CSMD2: variants seen among roughly 807,000 people sequenced by gnomAD.
CSMD2 encodes CUB and sushi domain-containing protein 2.
A neutral mutation model predicts 398.5 loss-of-function variants in CSMD2; 130 were observed. The ratio of observed to expected loss-of-function variants is 0.33; its 90% CI spans 0.28 to 0.38. CSMD2 has a LOEUF of 0.38. Ranked by LOEUF, CSMD2 falls within the 10% of genes least tolerant of loss-of-function variation. The pLI is 1.00. For missense variants in CSMD2, 3,829 were observed against 4,764.9 expected (o/e 0.80, Z 5.78); for synonymous variants, 1,828 against 1,908.5 (o/e 0.96, Z 1.10).
intron 12 of CSMD2, among the ~76,000 whole-genome samples, chr1:33,785,041 T>C (rs1395890489): frequency 2.0e-5 from 3 of 152,224 alleles, no homozygotes; most frequent in East Asian, 1.9e-4. Flanking sequence ...GGGTTTGCCA[T>C]GTCTCTAAAC....
chr1:33,634,281 A>G (rs533958700), intron 31 of CSMD2, among the ~76,000 whole-genome samples: 5 of 152,060 alleles, frequency 3.3e-5, no homozygotes, highest in Non-Finnish European at 7.4e-5. Flanking sequence ...CATCTCTGCA[A>G]CTCCAGGACC....
intron 5 of CSMD2, among the ~76,000 whole-genome samples, chr1:33,898,857 C>A (rs1238945855): frequency 1.3e-5 from 2 of 152,186 alleles, no homozygotes; most frequent in Non-Finnish European, 2.9e-5. Flanking sequence ...CTGAAGGACA[C>A]TTGCCCTCAT....
chr1:33,958,901 A>C (rs1645256366), intron 3 of CSMD2, among the ~76,000 whole-genome samples: 1 of 152,206 alleles, frequency 6.6e-6, no homozygotes, highest in African/African-American at 2.4e-5. Context: ...AAGCTGAAAC[A>C]GTTAGTGTTT....
At chr1:34,159,330 C>CG in intron 1 of CSMD2, among the ~76,000 whole-genome samples, 1 of 57,626 alleles carries the variant, frequency 1.7e-5, no homozygotes, top group East Asian at 6.3e-4. Flanking sequence ...TACAGCCTGC[C>CG]CCCCCCCCAC....
intron 5 of CSMD2, chr1:33,864,539 G>A (rs755317431): frequency 6.2e-6 from 10 of 1,613,946 alleles, no homozygotes; most frequent in Non-Finnish European, 8.5e-6. Flanking sequence ...GGGAGAACCC[G>A]AACTGGTCGG....
Position 33,602,493 on chromosome 1 carries a change from A to G in CSMD2, c.6586T>C (p.Phe2196Leu). Residue 2196 changes from phenylalanine (F) to leucine (L), a missense_variant, in exon 43 of 71, where the codon TTC becomes CTC. Around this residue, in one of 5 missense-constraint regions of CSMD2, gnomAD observed 723 missense variants for 758.6 expected, o/e 0.95. Transcript: ENST00000373381. ...SSNGTVYSPG[F>L]PSPYSSSQDC... Reference sequence around the variant, plus strand: ...TGGGAGCTGGAGTACGGGCTAGGGAACCCCGGGGAGTACACAGTGCCGTTG... The same window carrying G: ...TGGGAGCTGGAGTACGGGCTAGGGAGCCCCGGGGAGTACACAGTGCCGTTG... 1 of 1,607,736 alleles carries G rather than the reference A, an allele frequency of 6.2e-7. No individual in the cohort carries two copies. Among genetic ancestry groups the G allele is most frequent in the Non-Finnish European group, 8.5e-7 (1 of 1,176,870 alleles).
chr1:34,026,226 G>A (rs1649626817), intron 3 of CSMD2, among the ~76,000 whole-genome samples: 1 of 152,190 alleles, frequency 6.6e-6, no homozygotes, highest in Non-Finnish European at 1.5e-5. Flanking sequence ...GCAAGTGAGT[G>A]GCAAGATAGG....
chr1:33,612,718 G>T (rs1417760050), intron 40 of CSMD2, among the ~76,000 whole-genome samples: 17 of 148,012 alleles, frequency 1.1e-4, no homozygotes, highest in Non-Finnish European at 2.2e-4. Context: ...GTCTTGTTCG[G>T]TCGCCCGGGC....
In CSMD2 at chr1:33,569,558, C is replaced by A; in HGVS notation, c.7958-11G>T. On this transcript the variant is annotated splice_polypyrimidine_tract_variant and intron_variant, in intron 51 of 70. Transcript: ENST00000373381. ...CTCCACAGGAGATGACTAAAATGAT[C>A]ACAAGATGCTCAGTAAGCCAGCCCC... is the stretch of plus-strand genomic sequence containing the variant. 3 of 1,612,000 alleles carry A rather than the reference C, an allele frequency of 1.9e-6. No individual in the cohort carries two copies. The highest frequency in any genetic ancestry group is 8.5e-7 in the Non-Finnish European group (1 of 1,178,660).
intron 1 of CSMD2, among the ~76,000 whole-genome samples, chr1:34,101,614 T>G (rs1659949618): frequency 6.6e-6 from 1 of 152,234 alleles, no homozygotes; most frequent in Non-Finnish European, 1.5e-5. Flanking sequence ...TACTTAGTGA[T>G]GTTTTATGAC....
At chr1:33,995,382 G>T (rs770652011) in intron 3 of CSMD2, among the ~76,000 whole-genome samples, 1 of 152,202 alleles carries the variant, frequency 6.6e-6, no homozygotes, top group Non-Finnish European at 1.5e-5. Flanking sequence ...ATCAGAGGCT[G>T]CCAAGTAGAT....
intron 22 of CSMD2, among the ~76,000 whole-genome samples, chr1:33,706,273 C>T (rs1017685285): frequency 2.6e-5 from 4 of 151,990 alleles, no homozygotes; most frequent in Non-Finnish European, 5.9e-5. Flanking sequence ...TAAAATAATC[C>T]TCTTTTTCAT....
At chr1:34,031,255 A>AT (rs1650376531) in intron 3 of CSMD2, among the ~76,000 whole-genome samples, 1 of 151,630 alleles carries the variant, frequency 6.6e-6, no homozygotes, top group Non-Finnish European at 1.5e-5. Flanking sequence ...TAGAGACGGG[A>AT]TTTTGTCCTG....
Position 33,624,476 on chromosome 1 carries a change from G to C in CSMD2, c.5625+43C>G. 1 of 1,606,024 alleles carries C rather than the reference G, an allele frequency of 6.2e-7. No homozygotes were observed. Among genetic ancestry groups the C allele is most frequent in the South Asian group, 1.1e-5 (1 of 90,254 alleles). ...GTCACCTGTGAGCTGTTACCTGGGAGCAGACGGCCACCTGCCCGACCGAGG... is the reference window on the plus strand; with the variant it reads ...GTCACCTGTGAGCTGTTACCTGGGACCAGACGGCCACCTGCCCGACCGAGG... On this transcript the variant is annotated intron_variant, in intron 35 of 70. Coordinates refer to ENST00000373381, the MANE Select transcript of CSMD2 (RefSeq NM_001281956.2). This position sits in a 1 kb window ranked among gnomAD's most constrained non-coding sequence, Gnocchi z 4.7.
rs185115180 is a variant in CSMD2, at chr1:34,127,680, G to A, written c.187+37231C>T. Among the ~76,000 whole-genome samples the A allele has an allele frequency of 1.8e-4, 28 of 152,268 alleles. No homozygotes were observed. In the East Asian group the frequency reaches 5.2e-3, roughly 28 times the overall value. On this transcript the variant is annotated intron_variant, in intron 1 of 70. Transcript: ENST00000373381. ...AGGACAGGAAGCTGACCAGGTGGCC[G>A]ATAGAAAGATAGTTAAGGGGTGCTG...
intron 1 of CSMD2, among the ~76,000 whole-genome samples, chr1:34,097,873 G>A (rs1479235110): frequency 1.7e-4 from 18 of 106,712 alleles, no homozygotes; most frequent in Admixed American, 5.2e-4. Flanking sequence ...CAGGGATCTA[G>A]AACTAGAAAT....
chr1:33,535,994 C>G (rs927414363), intron 62 of CSMD2, among the ~76,000 whole-genome samples: 20 of 152,186 alleles, frequency 1.3e-4, no homozygotes, highest in African/African-American at 4.8e-4. Flanking sequence ...TTCAGCCAGG[C>G]AGCTCCCTTC....
Position 33,541,377 on chromosome 1 carries a change from C to T in CSMD2, c.9278-68G>A. The stretch of plus-strand genomic sequence containing the variant: ...CCCCACTTCTCCTCCAATACCATCC[C>T]TATCACTCCCTGCATGCATCCAAGA... On this transcript the variant is annotated intron_variant, in intron 58 of 70. Coordinates refer to ENST00000373381, the MANE Select transcript of CSMD2 (RefSeq NM_001281956.2). 6.8e-6 allele frequency: 8 copies of T among 1,177,308 alleles called. No individual in the cohort carries two copies. In the South Asian group the frequency reaches 9.3e-5, roughly 14 times the overall value. 72.9% of individuals were successfully genotyped at this position (1,177,308 alleles called of 1,614,324 possible).
At position 33,629,626 on chromosome 1, in the gene CSMD2, A is replaced by G. The variant is rs111276000; in HGVS notation, c.5201-3045T>C. Reference sequence around the variant, plus strand: ...CGGTCCTTAAGCTTTTTCTCCCCCAACGCAACTCAGGGACAGGGACATAGT... The same window carrying G: ...CGGTCCTTAAGCTTTTTCTCCCCCAGCGCAACTCAGGGACAGGGACATAGT... On this transcript the variant is annotated intron_variant, in intron 32 of 70. Coordinates refer to ENST00000373381, the MANE Select transcript of CSMD2 (RefSeq NM_001281956.2). Among the ~76,000 whole-genome samples the G allele has an allele frequency of 1.3e-4, 20 of 152,218 alleles. 1 individual carries two copies. The highest frequency in any genetic ancestry group is 4.8e-4 in the African/African-American group (20 of 41,556).
Sources: gnomAD v4.1 joint callset for allele counts (sites outside exome capture counted in the v4.1 genomes callset) on GRCh38, gnomAD v4.1.1 for gene constraint, gnomAD v4.1.1 regional missense constraint, Gnocchi (gnomAD v3.1) non-coding constraint, MANE v1.5 for transcripts, NCBI Gene and HGNC (gene_info 2026-07-23, HGNC 2026-07-21) for gene names.